CCDC91: variants seen among roughly 807,000 people sequenced by gnomAD.
CCDC91 encodes coiled-coil domain-containing protein 91.
Under a neutral mutation model 63.2 loss-of-function variants are expected in CCDC91, and 48 were observed. The observed-to-expected ratio is 0.76, with a 90% confidence interval of 0.60 to 0.97. The LOEUF (loss-of-function observed/expected upper bound fraction) is 0.97. Among genes scored for constraint, CCDC91 ranks in the 50% least tolerant of loss-of-function variants. CCDC91 has a pLI of 0.00. For synonymous variants in CCDC91, 167 were observed against 165.8 expected, an observed-to-expected ratio of 1.01 and a Z score of -0.06; for missense variants, 500 against 494.6, an observed-to-expected ratio of 1.01 and a Z score of -0.10.
At chr12:28,377,372 G>T (rs772678181) in intron 7 of CCDC91, among the ~76,000 whole-genome samples, 1 of 151,574 alleles carries the variant, frequency 6.6e-6, no homozygotes, top group East Asian at 1.9e-4. Context: ...AAACATTATC[G>T]AATTTTGATG....
intron 12 of CCDC91, among the ~76,000 whole-genome samples, chr12:28,535,520 A>G (rs1056026789): frequency 3.3e-5 from 5 of 152,222 alleles, no homozygotes; most frequent in African/African-American, 1.2e-4. Context: ...TTAGGATAGC[A>G]TGACTAATTC....
At chr12:28,499,325 G>A (rs1282923404) in intron 12 of CCDC91, among the ~76,000 whole-genome samples, 1 of 150,820 alleles carries the variant, frequency 6.6e-6, no homozygotes, top group East Asian at 2.0e-4. Context: ...AATGCAAAGA[G>A]TTTTCACTTG....
chr12:28,304,769 C>A, intron 3 of CCDC91: 1 of 571,444 alleles, frequency 1.7e-6, no homozygotes, highest in Non-Finnish European at 2.7e-6. Context: ...AAGTGACTCA[C>A]TTTCCTTAAA....
intron 8 of CCDC91, among the ~76,000 whole-genome samples, chr12:28,432,458 A>G (rs913107573): frequency 6.6e-6 from 1 of 151,382 alleles, no homozygotes; most frequent in African/African-American, 2.4e-5. Context: ...GCATGCTCAC[A>G]CTCTTTCTCT....
At chr12:28,342,124 A>G (rs11049543) in intron 6 of CCDC91, among the ~76,000 whole-genome samples, 1 of 152,060 alleles carries the variant, frequency 6.6e-6, no homozygotes, top group Non-Finnish European at 1.5e-5. Flanking sequence ...ACAAAGAAGC[A>G]TGAGAAGAAT....
At chr12:28,297,104 A>G (rs963023497) in intron 3 of CCDC91, among the ~76,000 whole-genome samples, 5 of 151,960 alleles carry the variant, frequency 3.3e-5, no homozygotes, top group African/African-American at 1.2e-4. Context: ...CTGAGTTACA[A>G]GATATAAAAA....
chr12:28,246,586 A>C (rs757774102), intron 1 of CCDC91, among the ~76,000 whole-genome samples: 1 of 152,124 alleles, frequency 6.6e-6, no homozygotes, highest in Non-Finnish European at 1.5e-5. Flanking sequence ...GTTTTGAAAG[A>C]TTTGGAGTTG....
intron 7 of CCDC91, among the ~76,000 whole-genome samples, chr12:28,377,787 C>G (rs753389391): frequency 3.9e-5 from 6 of 151,938 alleles, no homozygotes; most frequent in Non-Finnish European, 8.8e-5. Flanking sequence ...TACAGACACA[C>G]AAACTCATTT....
chr12:28,290,751 A>C (rs1461477410), intron 3 of CCDC91, among the ~76,000 whole-genome samples: 2 of 152,172 alleles, frequency 1.3e-5, no homozygotes, highest in African/African-American at 4.8e-5. Context: ...AAGGAGTTAA[A>C]TGCTGAATAT....
chr12:28,376,010 A>G (rs1944920696), intron 7 of CCDC91, among the ~76,000 whole-genome samples: 2 of 151,814 alleles, frequency 1.3e-5, no homozygotes, highest in African/African-American at 2.4e-5. Flanking sequence ...GTGCATAGTA[A>G]ATTATTTGTG....
At chr12:28,410,799 G>A (rs1205141334) in intron 8 of CCDC91, among the ~76,000 whole-genome samples, 1 of 152,150 alleles carries the variant, frequency 6.6e-6, no homozygotes, top group Non-Finnish European at 1.5e-5. Context: ...TGGGATTACA[G>A]GCATGAGCCA....
chr12:28,210,369 C>T (rs571663200), intron 1 of CCDC91, among the ~76,000 whole-genome samples: 8 of 152,066 alleles, frequency 5.3e-5, no homozygotes, highest in Non-Finnish European at 1.0e-4. Flanking sequence ...TATTTAAGTG[C>T]CTATTTTTCT....
intron 12 of CCDC91, among the ~76,000 whole-genome samples, chr12:28,492,125 GTCTATA>G (rs1254450839): frequency 2.0e-5 from 3 of 151,742 alleles, no homozygotes; most frequent in African/African-American, 7.2e-5. Context: ...ATCTTAATCT[GTCTATA>G]TCTATATATT....
At chr12:28,345,756 C>A (rs1942766986) in intron 6 of CCDC91, among the ~76,000 whole-genome samples, 1 of 151,962 alleles carries the variant, frequency 6.6e-6, no homozygotes, top group African/African-American at 2.4e-5. Context: ...ACATACTTTA[C>A]AATATTTCTG....
chr12:28,486,101 G>A (rs756112389), intron 12 of CCDC91, among the ~76,000 whole-genome samples: 1 of 152,110 alleles, frequency 6.6e-6, no homozygotes, highest in African/African-American at 2.4e-5. Context: ...CATCTTGCTT[G>A]ACCGAAACTT....
rs190432545 is a variant in CCDC91, at chr12:28,465,206, A to C, written c.1101+12552A>C. On this transcript the variant is annotated intron_variant, in intron 11 of 12. Transcript: ENST00000536442. ...CTCAGCCATAGTGTAATGGAACACC[A>C]GGTAGATGTCTACAGTTTTTGACTC... 2.1e-4 allele frequency among the ~76,000 whole-genome samples: 32 copies of C among 152,292 alleles called. 1 individual carries two copies. The East Asian group carries it at 5.8e-3, about 28-fold the overall frequency.
intron 4 of CCDC91, among the ~76,000 whole-genome samples, chr12:28,306,138 C>T (rs1260050183): frequency 6.6e-6 from 1 of 151,940 alleles, no homozygotes; most frequent in Admixed American, 6.6e-5. Flanking sequence ...CTCTTTTCAG[C>T]GAATCTTACC....
chr12:28,308,641 C>T (rs542352241), intron 6 of CCDC91, among the ~76,000 whole-genome samples: 1 of 151,980 alleles, frequency 6.6e-6, no homozygotes, highest in Admixed American at 6.6e-5. Context: ...CAGATTCCCT[C>T]AGATACCTGC....
intron 11 of CCDC91, among the ~76,000 whole-genome samples, chr12:28,458,840 G>C (rs1950178484): frequency 6.6e-6 from 1 of 151,820 alleles, no homozygotes; most frequent in Admixed American, 6.6e-5. Context: ...TGCTTACCTT[G>C]ACCTCTTATG....
Sources: allele counts gnomAD v4.1 joint callset (sites outside exome capture counted in the v4.1 genomes callset), GRCh38; gene constraint gnomAD v4.1.1; transcripts MANE v1.5; gene names NCBI Gene and HGNC (gene_info 2026-07-23, HGNC 2026-07-21).